The following ADGRB3 variants were observed in gnomAD, a reference collection of about 807,000 sequenced individuals.
The protein encoded by ADGRB3 is brain-specific angiogenesis inhibitor 3.
In ADGRB3, 37 loss-of-function variants were observed where a neutral mutation model predicts 193.4. The observed-to-expected ratio is 0.19, with a 90% CI of 0.15 to 0.25. The LOEUF (loss-of-function observed/expected upper bound fraction) is 0.25. Ranked by LOEUF, ADGRB3 falls within the 10% of genes least tolerant of loss-of-function variation. The pLI, the probability that ADGRB3 is intolerant of heterozygous loss-of-function variation, is 1.00. For missense variants in ADGRB3, 1,637 were observed against 1,852.9 expected, an observed-to-expected ratio of 0.88 and a Z score of 2.14; for synonymous variants, 690 against 644.2, an observed-to-expected ratio of 1.07 and a Z score of -1.08.
At chr6:68,651,473 G>C (rs1768365894) in intron 3 of ADGRB3, among the ~76,000 whole-genome samples, 1 of 152,086 alleles carries the variant, frequency 6.6e-6, no homozygotes, top group East Asian at 1.9e-4. Flanking sequence ...TGATAATAAA[G>C]GGTCACAAAT....
At chr6:68,793,769 T>C (rs903849988) in intron 3 of ADGRB3, among the ~76,000 whole-genome samples, 8 of 152,150 alleles carry the variant, frequency 5.3e-5, no homozygotes, top group Non-Finnish European at 1.0e-4. Context: ...CCTCATATGA[T>C]CTGGCTGCCT....
intron 17 of ADGRB3, among the ~76,000 whole-genome samples, chr6:69,179,386 T>C (rs1775520533): frequency 1.3e-5 from 2 of 152,214 alleles, no homozygotes; most frequent in South Asian, 2.1e-4. Context: ...ATTTCGTAGA[T>C]TGCTTGAAAA....
chr6:69,374,682 AG>A (rs1162300739), intron 30 of ADGRB3, among the ~76,000 whole-genome samples: 1 of 152,104 alleles, frequency 6.6e-6, no homozygotes, highest in African/African-American at 2.4e-5. Context: ...GAAACTATAC[AG>A]AAAATACTGT....
intron 20 of ADGRB3, among the ~76,000 whole-genome samples, chr6:69,311,602 A>G (rs1279537854): frequency 6.6e-6 from 1 of 151,764 alleles, no homozygotes; most frequent in Non-Finnish European, 1.5e-5. Context: ...GTTATTCCAA[A>G]AAGAATGTAG....
chr6:68,934,627 A>G (rs1409178913), intron 4 of ADGRB3, among the ~76,000 whole-genome samples: 1 of 152,164 alleles, frequency 6.6e-6, no homozygotes, highest in African/African-American at 2.4e-5. Flanking sequence ...TAATCTCATC[A>G]TAGTTCAGAA....
At chr6:69,189,726 G>A (rs991473275) in intron 17 of ADGRB3, among the ~76,000 whole-genome samples, 6 of 152,202 alleles carry the variant, frequency 3.9e-5, no homozygotes, top group Admixed American at 3.9e-4. Flanking sequence ...ATAAAATTTT[G>A]TCTCTTTGCT....
chr6:69,326,871 A>G (rs912538087), intron 21 of ADGRB3, among the ~76,000 whole-genome samples: 2 of 152,002 alleles, frequency 1.3e-5, no homozygotes, highest in Non-Finnish European at 2.9e-5. Flanking sequence ...GGGACTATAT[A>G]TTTATAATTT....
At chr6:69,386,221 T>C (rs1232796527) in intron 31 of ADGRB3, among the ~76,000 whole-genome samples, 5 of 152,122 alleles carry the variant, frequency 3.3e-5, no homozygotes, top group Non-Finnish European at 7.4e-5. Context: ...AAGTTTAAAA[T>C]TGGCCATTTT....
chr6:68,947,485 T>G (rs1767804009), intron 6 of ADGRB3, among the ~76,000 whole-genome samples: 1 of 152,134 alleles, frequency 6.6e-6, no homozygotes, highest in African/African-American at 2.4e-5. Context: ...AAATTACTAT[T>G]AAGTGGACTT....
At chr6:68,873,394 C>G (rs1386461208) in intron 3 of ADGRB3, among the ~76,000 whole-genome samples, 1 of 152,050 alleles carries the variant, frequency 6.6e-6, no homozygotes, top group African/African-American at 2.4e-5. Flanking sequence ...ATTTTTCTCC[C>G]TGAAAGCTAA....
At chr6:69,212,336 G>T (rs1333198221) in intron 17 of ADGRB3, among the ~76,000 whole-genome samples, 2 of 152,108 alleles carry the variant, frequency 1.3e-5, no homozygotes, top group East Asian at 3.8e-4. Flanking sequence ...CAATTAGCCT[G>T]AAATAGGAGA....
intron 3 of ADGRB3, among the ~76,000 whole-genome samples, chr6:68,688,152 G>A (rs1294198787): frequency 6.6e-6 from 1 of 152,060 alleles, no homozygotes; most frequent in African/African-American, 2.4e-5. Flanking sequence ...GCTTAAGATG[G>A]AGAAAGAACC....
At chr6:69,232,454 G>A in intron 17 of ADGRB3, 1 of 1,511,402 alleles carries the variant, frequency 6.6e-7, no homozygotes, top group South Asian at 1.3e-5. Flanking sequence ...AATTGAACCA[G>A]GCTCTCTTCC....
chr6:68,733,993 C>T (rs80063224), intron 3 of ADGRB3, among the ~76,000 whole-genome samples: 3,358 of 151,642 alleles, frequency 0.022, 65 homozygotes, highest in South Asian at 0.069. Context: ...ATACCTGCTA[C>T]GTATGCCTAA....
rs373248973 is a variant in ADGRB3, at chr6:68,993,804, G to A, written c.1771G>A (p.Ala591Thr). ...CCTTGCTAAGGGGCAGCGAATGCTG[G>A]CAGGTGATGGAATGTCCCAGGTGAC... Reference protein sequence around the residue: ...EHLAKGQRMLAGDGMSQVTKT... With the variant: ...EHLAKGQRMLTGDGMSQVTKT... Residue 591 changes from alanine (A) to threonine (T), a missense_variant, in exon 11 of 32, where the codon GCA (alanine) becomes ACA (threonine). Coordinates refer to ENST00000370598, the MANE Select transcript of ADGRB3 (RefSeq NM_001704.3). 9 of 1,613,730 alleles carry A rather than the reference G, an allele frequency of 5.6e-6. No homozygotes were observed. The highest frequency in any genetic ancestry group is 6.8e-6 in the Non-Finnish European group (8 of 1,179,796).
intron 20 of ADGRB3, among the ~76,000 whole-genome samples, chr6:69,273,259 T>C (rs542723486): frequency 6.6e-6 from 1 of 152,270 alleles, no homozygotes; most frequent in Admixed American, 6.5e-5. Context: ...TTAGTTCTAG[T>C]AGGGTTCTGC....
At chr6:69,232,451 C>T in intron 17 of ADGRB3, 1 of 1,504,730 alleles carries the variant, frequency 6.6e-7, no homozygotes, top group Non-Finnish European at 8.8e-7. Flanking sequence ...GAAAATTGAA[C>T]CAGGCTCTCT....
chr6:69,307,528 T>G (rs1768090183), intron 20 of ADGRB3, among the ~76,000 whole-genome samples: 4 of 151,620 alleles, frequency 2.6e-5, no homozygotes, highest in African/African-American at 2.4e-5. Flanking sequence ...CTCCTATATT[T>G]CTTTTCTTCA....
At chr6:69,027,846 A>G (rs529400133) in intron 13 of ADGRB3, among the ~76,000 whole-genome samples, 3 of 152,332 alleles carry the variant, frequency 2.0e-5, no homozygotes, top group African/African-American at 7.2e-5. Context: ...ACTCAAGGAA[A>G]TATATCCACT....
Sources: gnomAD v4.1 joint callset for allele counts (sites outside exome capture counted in the v4.1 genomes callset) on GRCh38, gnomAD v4.1.1 for gene constraint, MANE v1.5 for transcripts, NCBI Gene and HGNC (gene_info 2026-07-23, HGNC 2026-07-21) for gene names.